The following CLSTN2 variants were observed in gnomAD, a reference collection of about 807,000 sequenced individuals.
CLSTN2 encodes the protein calsyntenin 2.
In CLSTN2, 48 loss-of-function variants were observed where a neutral mutation model predicts 101.2. The ratio of observed to expected loss-of-function variants is 0.47; its 90% CI spans 0.38 to 0.60. CLSTN2 has a LOEUF of 0.60. Ranked by LOEUF, CLSTN2 falls within the 20% of genes least tolerant of loss-of-function variation. CLSTN2 has a pLI of 0.00. For synonymous variants in CLSTN2, 481 were observed against 463.6 expected (o/e 1.04, Z -0.48); for missense variants, 1,160 against 1,238.2 (o/e 0.94, Z 0.95).
chr3:139,998,891 A>G (rs1280431301), intron 1 of CLSTN2, among the ~76,000 whole-genome samples: 1 of 152,190 alleles, frequency 6.6e-6, no homozygotes, highest in Admixed American at 6.5e-5. Flanking sequence ...ATAAGATCTA[A>G]GTAGGTTTCT....
At chr3:139,977,454 A>G (rs1935837401) in intron 1 of CLSTN2, among the ~76,000 whole-genome samples, 1 of 152,124 alleles carries the variant, frequency 6.6e-6, no homozygotes, top group African/African-American at 2.4e-5. Context: ...TTGTTCTTCC[A>G]GAAACCTAGA....
chr3:140,413,422 A>G (rs1045640164), intron 4 of CLSTN2, among the ~76,000 whole-genome samples: 4 of 152,140 alleles, frequency 2.6e-5, no homozygotes. Flanking sequence ...TAAATATCCC[A>G]TCAAAGAAAA....
Position 140,558,676 on chromosome 3 carries a change from G to A in CLSTN2, c.1860G>A (p.Glu620=), listed in dbSNP as rs2107792352. The change falls in exon 12 of 17, where the codon GAG becomes GAA. Residue 620 remains glutamate (E), a synonymous_variant. Coordinates refer to ENST00000458420, the MANE Select transcript of CLSTN2 (RefSeq NM_022131.3). Reference sequence around the variant, plus strand: ...AAGACGTATGCATCAGTATCCCTGAGGTAGATGCCTATGTGATGGTCCTCC... The same window carrying A: ...AAGACGTATGCATCAGTATCCCTGAAGTAGATGCCTATGTGATGGTCCTCC... ...FGEDVCISIP[E]VDAYVMVLQA... is the part of the protein sequence containing the mutation. 1 of 1,613,998 alleles carries A rather than the reference G, an allele frequency of 6.2e-7. No homozygotes were observed. Among genetic ancestry groups the A allele is most frequent in the Middle Eastern group, 1.7e-4 (1 of 5,996 alleles).
At chr3:140,305,073 G>GTCTCTCTT (rs1316295150) in intron 2 of CLSTN2, among the ~76,000 whole-genome samples, 1 of 138,308 alleles carries the variant, frequency 7.2e-6, no homozygotes, top group Non-Finnish European at 1.6e-5. Context: ...CTCTCTCTCT[G>GTCTCTCTT]TCTCTCTTTC....
intron 8 of CLSTN2, chr3:140,506,918 T>A (rs1224568637): frequency 6.6e-6 from 1 of 152,232 alleles, no homozygotes; most frequent in Admixed American, 6.5e-5. Flanking sequence ...AGTACAGTAT[T>A]AAATTCACCT....
intron 2 of CLSTN2, among the ~76,000 whole-genome samples, chr3:140,345,505 C>T (rs2087537586): frequency 6.6e-6 from 1 of 152,022 alleles, no homozygotes; most frequent in African/African-American, 2.4e-5. Context: ...CTGCCTCAGC[C>T]TCCCAAAGTG....
At chr3:140,463,381 A>G (rs979226167) in intron 7 of CLSTN2, among the ~76,000 whole-genome samples, 1 of 152,138 alleles carries the variant, frequency 6.6e-6, no homozygotes, top group Non-Finnish European at 1.5e-5. Flanking sequence ...AGAGAGATGG[A>G]GATGTCAGCC....
chr3:140,565,088 G>A (rs1002103476), intron 16 of CLSTN2, among the ~76,000 whole-genome samples: 3 of 152,224 alleles, frequency 2.0e-5, no homozygotes, highest in African/African-American at 4.8e-5. Flanking sequence ...CACCTTCAAA[G>A]AGCTGAGCCT....
chr3:140,277,628 AT>A (rs978730058), intron 2 of CLSTN2, among the ~76,000 whole-genome samples: 2 of 152,172 alleles, frequency 1.3e-5, no homozygotes, highest in Non-Finnish European at 2.9e-5. Flanking sequence ...CCAACGATTA[AT>A]TTTTTTAAAT....
chr3:140,182,380 A>G (rs2010421672), intron 2 of CLSTN2, among the ~76,000 whole-genome samples: 2 of 152,212 alleles, frequency 1.3e-5, no homozygotes, highest in South Asian at 2.1e-4. Context: ...AGTGAGAACC[A>G]CATGGGATAT....
At chr3:140,090,808 C>A (rs2008768490) in intron 1 of CLSTN2, among the ~76,000 whole-genome samples, 1 of 151,822 alleles carries the variant, frequency 6.6e-6, no homozygotes, top group African/African-American at 2.4e-5. Flanking sequence ...ATAGTAAGGG[C>A]AAGATAGACC....
chr3:140,228,128 G>A (rs1264150482), intron 2 of CLSTN2, among the ~76,000 whole-genome samples: 1 of 152,128 alleles, frequency 6.6e-6, no homozygotes, highest in African/African-American at 2.4e-5. Context: ...TCATTGTCAG[G>A]CTGCAAATTT....
At chr3:140,186,872 CT>C in intron 2 of CLSTN2, among the ~76,000 whole-genome samples, 1 of 151,900 alleles carries the variant, frequency 6.6e-6, no homozygotes, top group Non-Finnish European at 1.5e-5. Context: ...GGGATTCTTT[CT>C]GCACATTAAT....
At chr3:140,348,981 A>G (rs924569893) in intron 2 of CLSTN2, among the ~76,000 whole-genome samples, 16 of 152,214 alleles carry the variant, frequency 1.1e-4, no homozygotes, top group African/African-American at 3.9e-4. Context: ...CCAAATCCTC[A>G]TCTTTAATTA....
At chr3:140,333,306 A>G (rs532575012) in intron 2 of CLSTN2, among the ~76,000 whole-genome samples, 55 of 152,292 alleles carry the variant, frequency 3.6e-4, no homozygotes, top group Middle Eastern at 3.4e-3. Flanking sequence ...TCTTTTGCCA[A>G]TAATTCGCCC....
chr3:139,954,899 C>T (rs1201432074), intron 1 of CLSTN2, among the ~76,000 whole-genome samples: 2 of 151,858 alleles, frequency 1.3e-5, no homozygotes, highest in Non-Finnish European at 2.9e-5. Context: ...GAGCCATTGT[C>T]AGCTGAGCAG....
intron 2 of CLSTN2, among the ~76,000 whole-genome samples, chr3:140,339,605 A>G (rs991919405): frequency 2.0e-5 from 3 of 151,998 alleles, no homozygotes; most frequent in Admixed American, 1.3e-4. Context: ...TTTGCATCCA[A>G]CCTGGTGGTG....
chr3:140,251,579 C>CTTCCTTTCCTTTCCT (rs1559819480), intron 2 of CLSTN2, among the ~76,000 whole-genome samples: 8 of 53,014 alleles, frequency 1.5e-4, no homozygotes, highest in African/African-American at 2.3e-4. Flanking sequence ...CAACTCTTAG[C>CTTCCTTTCCTTTCCT]TTCCGTTCCT....
At chr3:140,448,440 A>G in intron 5 of CLSTN2, 79 bp from the exon 6 acceptor site, 1 of 1,247,080 alleles carries the variant, frequency 8.0e-7, no homozygotes, top group East Asian at 2.4e-5. Context: ...CGTTGGAACA[A>G]ATTCACATTT....
Sources: allele counts gnomAD v4.1 joint callset (sites outside exome capture counted in the v4.1 genomes callset), GRCh38; gene constraint gnomAD v4.1.1; transcripts MANE v1.5; gene names NCBI Gene and HGNC (gene_info 2026-07-23, HGNC 2026-07-21).